The following METTL16 variants were observed in gnomAD, a reference collection of about 807,000 sequenced individuals.
METTL16 encodes the protein methyltransferase 16, RNA N6-adenosine.
Under a neutral mutation model 57.9 loss-of-function variants are expected in METTL16, and 19 were observed. That is an observed-to-expected ratio of 0.33 (90% CI 0.23 to 0.48). The LOEUF is 0.48. Ranked by LOEUF, METTL16 falls within the 20% of genes least tolerant of loss-of-function variation. The probability of loss-of-function intolerance (pLI) is 0.99; values close to 1 mark genes in which losing one functional copy is unlikely to be tolerated. For synonymous variants in METTL16, 246 were observed against 255.6 expected, an observed-to-expected ratio of 0.96 and a Z score of 0.36; for missense variants, 434 against 691.5, an observed-to-expected ratio of 0.63 and a Z score of 4.18.
At chr17:2,490,265 T>C (rs1018989035) in intron 2 of METTL16, among the ~76,000 whole-genome samples, 1 of 152,158 alleles carries the variant, frequency 6.6e-6, no homozygotes, top group Admixed American at 6.5e-5. Context: ...ATATGTAAAC[T>C]CTCTTCATAC....
intron 6 of METTL16, among the ~76,000 whole-genome samples, chr17:2,448,806 A>AT (rs1331751976): frequency 0.072 from 8,535 of 117,942 alleles, 1,247 homozygotes; most frequent in African/African-American, 0.25. Context: ...AAAATTTAAA[A>AT]AAAAAAAAAA....
intron 4 of METTL16, among the ~76,000 whole-genome samples, chr17:2,468,314 T>G (rs1002141739): frequency 6.6e-6 from 1 of 152,206 alleles, no homozygotes; most frequent in African/African-American, 2.4e-5. Flanking sequence ...TTCCCTCCCC[T>G]TAAGTATAGG....
intron 2 of METTL16, among the ~76,000 whole-genome samples, chr17:2,500,379 T>A (rs2067478611): frequency 6.6e-6 from 1 of 152,048 alleles, no homozygotes; most frequent in Admixed American, 6.5e-5. Context: ...CAGGTTCAAG[T>A]GATTCTCCTG....
chr17:2,449,497 C>T (rs1000002512), intron 6 of METTL16, among the ~76,000 whole-genome samples: 3 of 151,722 alleles, frequency 2.0e-5, no homozygotes, highest in African/African-American at 7.3e-5. Flanking sequence ...CGTGAGCCAC[C>T]ATGTCTGGCT....
chr17:2,426,752 A>AC (rs2066822652), intron 8 of METTL16, among the ~76,000 whole-genome samples: 1 of 149,674 alleles, frequency 6.7e-6, no homozygotes, highest in East Asian at 1.9e-4. Context: ...AAAAAAAAAA[A>AC]GTAAAAATAG....
At position 2,466,272 on chromosome 17, in the gene METTL16, G is replaced by A. The variant is rs57731765; in HGVS notation, c.585+1489C>T. Among the ~76,000 whole-genome samples the A allele has an allele frequency of 7.3e-3, 1,108 of 151,656 alleles. 11 individuals carry two copies. The highest frequency in any genetic ancestry group is 0.025 in the African/African-American group (1,020 of 41,314). ...AAGCCAAGAAGCTCAGTCCAGGAGT[G>A]GACTATGACCTGAGTTGGTCCAATG... On this transcript the variant is annotated intron_variant, in intron 5 of 9. Coordinates refer to ENST00000263092, the MANE Select transcript of METTL16 (RefSeq NM_024086.4).
intron 3 of METTL16, among the ~76,000 whole-genome samples, chr17:2,475,068 T>C (rs934687233): frequency 6.6e-6 from 1 of 152,168 alleles, no homozygotes; most frequent in Non-Finnish European, 1.5e-5. Flanking sequence ...CCAATTCTGG[T>C]CTAGCCTTGT....
At chr17:2,447,935 G>A (rs1218151466) in intron 6 of METTL16, among the ~76,000 whole-genome samples, 5 of 103,582 alleles carry the variant, frequency 4.8e-5, no homozygotes, top group East Asian at 2.9e-4. Context: ...CAGCCGCCCC[G>A]TCCGGGAGGG....
intron 2 of METTL16, among the ~76,000 whole-genome samples, chr17:2,500,377 A>G (rs1426873085): frequency 6.6e-6 from 1 of 152,048 alleles, no homozygotes; most frequent in Non-Finnish European, 1.5e-5. Flanking sequence ...CTCAGGTTCA[A>G]GTGATTCTCC....
intron 8 of METTL16, among the ~76,000 whole-genome samples, chr17:2,428,570 T>A (rs868372458): frequency 0.032 from 660 of 20,730 alleles, 2 homozygotes; most frequent in Middle Eastern, 0.088. Context: ...AAAAAATATA[T>A]ATATATATAT....
chr17:2,419,807 G>C lies in METTL16; in HGVS notation c.*163C>G. On this transcript the variant is annotated 3_prime_UTR_variant, in exon 10 of 10. Transcript: ENST00000263092. ...CGACTCCCTGTAACTCAAAAAGCGGGAAGGAGGCGGGGGGAGGTGGGGGAC... is the reference window on the plus strand; with the variant it reads ...CGACTCCCTGTAACTCAAAAAGCGGCAAGGAGGCGGGGGGAGGTGGGGGAC... 10 of 841,746 alleles carry C rather than the reference G, an allele frequency of 1.2e-5. No individual in the cohort carries two copies. The highest frequency in any genetic ancestry group is 1.7e-5 in the Non-Finnish European group (9 of 517,792). 52.1% of individuals were successfully genotyped at this position (841,746 alleles called of 1,614,324 possible).
intron 2 of METTL16, among the ~76,000 whole-genome samples, chr17:2,500,353 T>C (rs961443863): frequency 6.6e-6 from 1 of 152,116 alleles, no homozygotes; most frequent in African/African-American, 2.4e-5. Flanking sequence ...CTCGGCTCAC[T>C]GCAACCTCCA....
At chr17:2,480,338 C>T (rs538499904) in intron 2 of METTL16, among the ~76,000 whole-genome samples, 2 of 152,162 alleles carry the variant, frequency 1.3e-5, no homozygotes, top group South Asian at 2.1e-4. Context: ...ATAATGATTT[C>T]GTCTGACCTC....
intron 6 of METTL16, among the ~76,000 whole-genome samples, chr17:2,452,472 G>T (rs1196837501): frequency 6.6e-6 from 1 of 152,034 alleles, no homozygotes; most frequent in African/African-American, 2.4e-5. Context: ...CGGGCATCTT[G>T]TGACAACTAA....
intron 5 of METTL16, among the ~76,000 whole-genome samples, chr17:2,465,379 TA>T (rs919558452): frequency 3.4e-5 from 5 of 148,772 alleles, no homozygotes; most frequent in African/African-American, 9.9e-5. Flanking sequence ...CCATCTCTAC[TA>T]AAAAAAAATA....
At chr17:2,446,702 C>A (rs1016415590) in intron 6 of METTL16, among the ~76,000 whole-genome samples, 2 of 152,212 alleles carry the variant, frequency 1.3e-5, no homozygotes, top group African/African-American at 4.8e-5. Context: ...CTCACTGCAG[C>A]CTCCCTGCCT....
At chr17:2,480,140 T>C (rs899212267) in intron 2 of METTL16, among the ~76,000 whole-genome samples, 5 of 148,328 alleles carry the variant, frequency 3.4e-5, no homozygotes, top group African/African-American at 1.3e-4. Context: ...GAGCCGAGAC[T>C]GTGCCACTGC....
At chr17:2,456,794 T>G (rs2067114129) in intron 6 of METTL16, among the ~76,000 whole-genome samples, 1 of 151,980 alleles carries the variant, frequency 6.6e-6, no homozygotes, top group South Asian at 2.1e-4. Flanking sequence ...TTTGTATTTA[T>G]TTATTTATTT....
intron 2 of METTL16, among the ~76,000 whole-genome samples, chr17:2,489,111 C>T (rs947383919): frequency 6.8e-6 from 1 of 146,324 alleles, no homozygotes; most frequent in Non-Finnish European, 1.5e-5. Flanking sequence ...ACTTTTCATT[C>T]TTTTTTTTTT....
Sources: allele counts gnomAD v4.1 joint callset (sites outside exome capture counted in the v4.1 genomes callset), GRCh38; gene constraint gnomAD v4.1.1; transcripts MANE v1.5; gene names NCBI Gene and HGNC (gene_info 2026-07-23, HGNC 2026-07-21).